The following ANKRD10 variants were observed in gnomAD, a reference collection of about 807,000 sequenced individuals.
ANKRD10 encodes ankyrin repeat domain-containing protein 10.
ANKRD10 carries 14 observed loss-of-function variants against 27.0 expected under a neutral mutation model. The ratio of observed to expected loss-of-function variants is 0.52; its 90% CI spans 0.34 to 0.81. The LOEUF (loss-of-function observed/expected upper bound fraction) is 0.81, where lower values mean the gene tolerates loss of function less well. ANKRD10 is among the 40% of genes least tolerant of loss of function. The pLI is 0.01. For synonymous variants in ANKRD10, 250 were observed against 224.5 expected, an observed-to-expected ratio of 1.11 and a Z score of -1.01; for missense variants, 493 against 544.0, an observed-to-expected ratio of 0.91 and a Z score of 0.93.
chr13:110,894,284 C>A, intron 3 of ANKRD10: 1 of 867,736 alleles, frequency 1.2e-6, no homozygotes, highest in Non-Finnish European at 1.9e-6. Context: ...AGCTTCCATA[C>A]CTGTTCAGCA....
intron 1 of ANKRD10, 189 bp downstream of exon 1, chr13:110,914,536 C>T (rs990814453): frequency 6.5e-6 from 5 of 775,092 alleles, no homozygotes; most frequent in South Asian, 6.4e-5. Flanking sequence ...CCCCCGGCTG[C>T]CCCGCCGCGA....
In ANKRD10 at chr13:110,890,030, A is replaced by G. The variant is rs1016227516; in HGVS notation, c.691+2998T>C. On this transcript the variant is annotated intron_variant, in intron 4 of 5. Coordinates refer to ENST00000267339, the MANE Select transcript of ANKRD10 (RefSeq NM_017664.4). ...AAAGTATTTTATATACATGTGTTAAATGAGGAAAAAAGAATTTATCATTTC... is the reference window on the plus strand; with the variant it reads ...AAAGTATTTTATATACATGTGTTAAGTGAGGAAAAAAGAATTTATCATTTC... Among the ~76,000 whole-genome samples the G allele has an allele frequency of 1.8e-4, 27 of 152,204 alleles. 1 individual carries two copies. The highest frequency in any genetic ancestry group is 1.5e-5 in the Non-Finnish European group (1 of 68,038).
chr13:110,898,506 C>A (rs1289785910), intron 3 of ANKRD10, among the ~76,000 whole-genome samples: 1 of 152,244 alleles, frequency 6.6e-6, no homozygotes, highest in Non-Finnish European at 1.5e-5. Flanking sequence ...CTAGTACTTA[C>A]AGTACTTTGT....
chr13:110,887,859 G>T (rs774579452), intron 4 of ANKRD10, among the ~76,000 whole-genome samples: 1 of 152,176 alleles, frequency 6.6e-6, no homozygotes, highest in Non-Finnish European at 1.5e-5. Context: ...CCACTGAACT[G>T]AGTGCATCCT....
chr13:110,908,067 T>A (rs1474511909), intron 2 of ANKRD10, among the ~76,000 whole-genome samples: 1 of 151,006 alleles, frequency 6.6e-6, no homozygotes, highest in Non-Finnish European at 1.5e-5. Context: ...AGAGAAAAGA[T>A]ACGTAAGACT....
Position 110,883,749 on chromosome 13 carries a change from C to T in ANKRD10, c.736G>A (p.Glu246Lys). ...ACGTGCATTTTGTCAGCATCGTCTT[C>T]TGTGTCGCCATTCGTGAGTGGCACG... Reference protein sequence around the residue: ...SAVPLTNGDTEDDADKMHVDR... With the variant: ...SAVPLTNGDTKDDADKMHVDR... The change falls in exon 5 of 6, where the codon GAA (glutamate) becomes AAA (lysine). Residue 246 changes from glutamate (E) to lysine (K), a missense_variant. Transcript: ENST00000267339. 6.2e-7 allele frequency: 1 copy of T among 1,614,224 alleles called. No homozygotes were observed. The highest frequency in any genetic ancestry group is 8.5e-7 in the Non-Finnish European group (1 of 1,180,032).
rs547223266 is a variant in ANKRD10 at position 110,891,267 on chromosome 13, G to C, written c.691+1761C>G. Reference sequence around the variant, plus strand: ...GCTTTAATTAAAGGAAATGACAAAGGATTTTTTTAAAAAGTGGATGCTCTT... The same window carrying C: ...GCTTTAATTAAAGGAAATGACAAAGCATTTTTTTAAAAAGTGGATGCTCTT... On this transcript the variant is annotated intron_variant, in intron 4 of 5. Coordinates refer to ENST00000267339, the MANE Select transcript of ANKRD10 (RefSeq NM_017664.4). Among the ~76,000 whole-genome samples the C allele has an allele frequency of 7.9e-5, 12 of 152,206 alleles. No homozygotes were observed. In the South Asian group the frequency reaches 2.5e-3, roughly 32 times the overall value.
chr13:110,892,850 A>C, intron 4 of ANKRD10, 178 bp downstream of exon 4: 1 of 1,379,944 alleles, frequency 7.2e-7, no homozygotes, highest in Non-Finnish European at 9.4e-7. Context: ...CCCTTTTGTT[A>C]AGTCCCATCT....
chr13:110,883,079 A>G (rs564096132), intron 5 of ANKRD10: 1 of 152,372 alleles, frequency 6.6e-6, no homozygotes, highest in South Asian at 2.1e-4. Flanking sequence ...ACATTAATGT[A>G]TAAAATGTGT....
At chr13:110,895,556 C>T (rs1003629124) in intron 3 of ANKRD10, among the ~76,000 whole-genome samples, 1 of 152,304 alleles carries the variant, frequency 6.6e-6, no homozygotes, top group South Asian at 2.1e-4. Flanking sequence ...CACTGCACTC[C>T]AGCCTGGGCA....
chr13:110,882,350 G>A (rs1566445415), intron 5 of ANKRD10, among the ~76,000 whole-genome samples: 1 of 152,202 alleles, frequency 6.6e-6, no homozygotes, highest in African/African-American at 2.4e-5. Flanking sequence ...TCCAGTGGAC[G>A]TGGAGTGCCA....
At chr13:110,894,477 C>A (rs1207869402) in intron 3 of ANKRD10, 1 of 217,158 alleles carries the variant, frequency 4.6e-6, no homozygotes, top group African/African-American at 2.6e-5. Flanking sequence ...ATAATATTTT[C>A]TTATTTATAA....
At chr13:110,907,399 G>T (rs1467294384) in intron 2 of ANKRD10, among the ~76,000 whole-genome samples, 1 of 152,132 alleles carries the variant, frequency 6.6e-6, no homozygotes, top group Non-Finnish European at 1.5e-5. Context: ...AAAAAGGAGT[G>T]CAGCAACTGT....
At chr13:110,910,591 A>T in intron 2 of ANKRD10, 27 bp downstream of exon 2, 1 of 1,611,058 alleles carries the variant, frequency 6.2e-7, no homozygotes, top group Admixed American at 1.7e-5. Flanking sequence ...AGCAAAAGCA[A>T]ACCAAGTCCA....
intron 4 of ANKRD10, among the ~76,000 whole-genome samples, chr13:110,891,619 G>T (rs2065075425): frequency 6.6e-6 from 1 of 152,152 alleles, no homozygotes; most frequent in African/African-American, 2.4e-5. Flanking sequence ...ATTAAATAAG[G>T]TAGAAAAGAT....
chr13:110,904,974 T>C (rs1686556936), intron 3 of ANKRD10: 1 of 152,204 alleles, frequency 6.6e-6, no homozygotes, highest in African/African-American at 2.4e-5. Context: ...CTAGGATCTA[T>C]TTTCAATATA....
At chr13:110,909,703 T>C (rs1334986023) in intron 2 of ANKRD10, among the ~76,000 whole-genome samples, 1 of 152,214 alleles carries the variant, frequency 6.6e-6, no homozygotes, top group African/African-American at 2.4e-5. Context: ...TCTTTCTCAA[T>C]TACTTACTGC....
At chr13:110,908,109 G>T (rs2065589954) in intron 2 of ANKRD10, among the ~76,000 whole-genome samples, 1 of 152,158 alleles carries the variant, frequency 6.6e-6, no homozygotes, top group South Asian at 2.1e-4. Context: ...CGGGCCTCCA[G>T]CTCAGCCCAG....
chr13:110,884,147 G>C (rs1012637767), intron 4 of ANKRD10, among the ~76,000 whole-genome samples: 2 of 151,444 alleles, frequency 1.3e-5, no homozygotes, highest in East Asian at 1.9e-4. Context: ...TTAATACTAA[G>C]ACAATTCTTA....
Sources: allele counts gnomAD v4.1 joint callset (sites outside exome capture counted in the v4.1 genomes callset), GRCh38; gene constraint gnomAD v4.1.1; transcripts MANE v1.5; gene names NCBI Gene and HGNC (gene_info 2026-07-23, HGNC 2026-07-21).